Variants in TMEM151A observed in about 807,000 individuals in gnomAD.
The protein encoded by TMEM151A is transmembrane protein 151A.
In TMEM151A, 21 loss-of-function variants were observed where a neutral mutation model predicts 33.7. The ratio of observed to expected loss-of-function variants is 0.62; its 90% CI spans 0.44 to 0.90. The LOEUF (loss-of-function observed/expected upper bound fraction) is 0.90, where lower values mean the gene tolerates loss of function less well. TMEM151A is among the 40% of genes least tolerant of loss of function. The pLI, the probability that TMEM151A is intolerant of heterozygous loss-of-function variation, is 0.00. For missense variants in TMEM151A, 704 were observed against 697.7 expected, an observed-to-expected ratio of 1.01 and a Z score of -0.10; for synonymous variants, 374 against 330.3, an observed-to-expected ratio of 1.13 and a Z score of -1.43.
chr11:66,292,101 G>C lies in TMEM151A; in HGVS notation c.75+13G>C, dbSNP rs1262481404. 1.9e-5 allele frequency: 28 copies of C among 1,446,588 alleles called. No homozygotes were observed. Among genetic ancestry groups the C allele is most frequent in the Non-Finnish European group, 2.2e-5 (24 of 1,109,244 alleles). The allele number at this position is 1,446,588 out of a possible 1,614,324, so 89.6% of individuals were successfully genotyped here. On this transcript the variant is annotated intron_variant, in intron 1 of 1. Coordinates refer to ENST00000327259, the MANE Select transcript of TMEM151A (RefSeq NM_153266.4). The surrounding 1 kb of genome is among the most constrained non-coding windows in gnomAD (Gnocchi z 4.7). ...GCTGCGGGAAGAGGTACCGGCGCTGGGGGGGCCGGAGCCGGGCCTGGGGCG... is the reference window on the plus strand; with the variant it reads ...GCTGCGGGAAGAGGTACCGGCGCTGCGGGGGCCGGAGCCGGGCCTGGGGCG...
Position 66,295,136 on chromosome 11 carries a change from C to T in TMEM151A, c.890C>T (p.Ser297Leu), listed in dbSNP as rs1454226356. ...VFWLVSAATL[S>L]WPLRVVAAYG... ...TGGCTCGTGTCGGCGGCCACGCTGTCGTGGCCCCTGCGCGTCGTGGCCGCC... is the reference window on the plus strand; with the variant it reads ...TGGCTCGTGTCGGCGGCCACGCTGTTGTGGCCCCTGCGCGTCGTGGCCGCC... The change falls in exon 2 of 2, where the codon TCG becomes TTG. Residue 297 changes from serine (S) to leucine (L), a missense_variant. Physicochemically the swap from Ser to Leu is moderately radical, Grantham distance 145. Around this residue, in one of 3 missense-constraint regions of TMEM151A, gnomAD observed 398 missense variants for 356.0 expected, o/e 1.12. Transcript: ENST00000327259. The T allele has an allele frequency of 1.3e-6, 2 of 1,583,780 alleles. No homozygotes were observed. Among genetic ancestry groups the T allele is most frequent in the Non-Finnish European group, 1.7e-6 (2 of 1,171,332 alleles).
rs537359282 is a variant in TMEM151A at position 66,292,853 on chromosome 11, C to T, written c.75+765C>T. ...GAGTCCCTTTGTGGGCAGGTCTCTC[C>T]CTGTGGAGTCTGAGGAGCCTGGGGG... On this transcript the variant is annotated intron_variant, in intron 1 of 1. Coordinates refer to ENST00000327259, the MANE Select transcript of TMEM151A (RefSeq NM_153266.4). This position sits in a 1 kb window ranked among gnomAD's most constrained non-coding sequence, Gnocchi z 4.7. Among the ~76,000 whole-genome samples the T allele has an allele frequency of 2.0e-5, 3 of 146,398 alleles. No individual in the cohort carries two copies. In the East Asian group the frequency reaches 6.0e-4, roughly 29 times the overall value.
rs2134896321 is a variant in TMEM151A, at chr11:66,292,180, A to C, written c.75+92A>C. The stretch of plus-strand genomic sequence containing the variant: ...CCCCAAGAGAGGGGCTGAGGAGGGA[A>C]GTCCCAGAGCCCCTACGGCCAATGA... On this transcript the variant is annotated intron_variant, in intron 1 of 1. Coordinates refer to ENST00000327259, the MANE Select transcript of TMEM151A (RefSeq NM_153266.4). This position sits in a 1 kb window ranked among gnomAD's most constrained non-coding sequence, Gnocchi z 4.7. The C allele has an allele frequency of 8.9e-7, 1 of 1,126,760 alleles. No individual in the cohort carries two copies. The highest frequency in any genetic ancestry group is 3.3e-5 in the East Asian group (1 of 30,736). The allele number at this position is 1,126,760 out of a possible 1,614,324, so 69.8% of individuals were successfully genotyped here.
chr11:66,292,300 C>T lies in TMEM151A; in HGVS notation c.75+212C>T, dbSNP rs1030604125. ...GGACAGCAATATGCGGGGCGACTTC[C>T]GCCCCCGGCGTCCCCTCATCCAGCC... On this transcript the variant is annotated intron_variant, in intron 1 of 1. Coordinates refer to ENST00000327259, the MANE Select transcript of TMEM151A (RefSeq NM_153266.4). The surrounding 1 kb of genome is among the most constrained non-coding windows in gnomAD (Gnocchi z 4.7). 3.3e-5 allele frequency among the ~76,000 whole-genome samples: 5 copies of T among 152,126 alleles called. No homozygotes were observed. The highest frequency in any genetic ancestry group is 1.2e-4 in the African/African-American group (5 of 41,442).
chr11:66,294,743 C>G lies in TMEM151A; in HGVS notation c.497C>G (p.Thr166Arg), dbSNP rs1437410291. 1 of 1,552,210 alleles carries G rather than the reference C, an allele frequency of 6.4e-7. No individual in the cohort carries two copies. Among genetic ancestry groups the G allele is most frequent in the Non-Finnish European group, 8.7e-7 (1 of 1,149,376 alleles). ...YHYVRRTRQI[T>R]RYRNGDAYTT... ...TACGTGCGGCGCACACGCCAGATCA[C>G]GCGCTACCGCAACGGCGACGCCTAC... The change falls in exon 2 of 2, where the codon ACG (threonine) becomes AGG (arginine). Residue 166 changes from threonine (T) to arginine (R), a missense_variant. By Grantham distance (71) the Thr-to-Arg change is moderately conservative (BLOSUM62 -1). Transcript: ENST00000327259.
chr11:66,293,237 T>TA (rs1590900312), intron 1 of TMEM151A, among the ~76,000 whole-genome samples: 1 of 152,108 alleles, frequency 6.6e-6, no homozygotes, highest in East Asian at 1.9e-4. Flanking sequence ...GGACAGGCTG[T>TA]ATCTGGGCTG....
chr11:66,295,472 G>A lies in TMEM151A; in HGVS notation c.1226G>A (p.Gly409Asp). 5.0e-6 allele frequency: 7 copies of A among 1,405,544 alleles called. No individual in the cohort carries two copies. The highest frequency in any genetic ancestry group is 6.5e-6 in the Non-Finnish European group (7 of 1,082,760). The allele number at this position is 1,405,544 out of a possible 1,614,324, so 87.1% of individuals were successfully genotyped here. ...LPFSRSRLSL[G>D]AGGRATPGVF... ...TTCAGCCGCAGCCGCCTCTCGCTGGGCGCTGGCGGCCGGGCCACGCCAGGG... is the reference window on the plus strand; with the variant it reads ...TTCAGCCGCAGCCGCCTCTCGCTGGACGCTGGCGGCCGGGCCACGCCAGGG... Residue 409 changes from glycine (G) to aspartate (D), a missense_variant, in exon 2 of 2, where the codon GGC becomes GAC. Transcript: ENST00000327259.
chr11:66,292,110 G>C lies in TMEM151A; in HGVS notation c.75+22G>C. 7.0e-7 allele frequency: 1 copy of C among 1,424,098 alleles called. No individual in the cohort carries two copies. 88.2% of individuals were successfully genotyped at this position (1,424,098 alleles called of 1,614,324 possible). ...AGAGGTACCGGCGCTGGGGGGGCCG[G>C]AGCCGGGCCTGGGGCGGCGTGAGAG... On this transcript the variant is annotated intron_variant, in intron 1 of 1. Transcript: ENST00000327259. This position sits in a 1 kb window ranked among gnomAD's most constrained non-coding sequence, Gnocchi z 4.7.
At position 66,296,597 on chromosome 11, in the gene TMEM151A, C is replaced by G. The variant is rs1434599746; in HGVS notation, c.*944C>G. The G allele has an allele frequency of 2.0e-5, 3 of 152,576 alleles. No individual in the cohort carries two copies. The highest frequency in any genetic ancestry group is 7.2e-5 in the African/African-American group (3 of 41,406). 9.5% of individuals were successfully genotyped at this position (152,576 alleles called of 1,614,324 possible). Reference sequence around the variant, plus strand: ...TCCCTTTCAACGAGGGCTTCCACGCCCTCTAAGGGGTGGCGGGGAAGGGAG... The same window carrying G: ...TCCCTTTCAACGAGGGCTTCCACGCGCTCTAAGGGGTGGCGGGGAAGGGAG... On this transcript the variant is annotated 3_prime_UTR_variant, in exon 2 of 2. Coordinates refer to ENST00000327259, the MANE Select transcript of TMEM151A (RefSeq NM_153266.4).
In TMEM151A at chr11:66,295,568, C is replaced by A; in HGVS notation, c.1322C>A (p.Pro441His). 6.7e-7 allele frequency: 1 copy of A among 1,500,406 alleles called. No homozygotes were observed. 92.9% of individuals were successfully genotyped at this position (1,500,406 alleles called of 1,614,324 possible). A position where few individuals can be genotyped will look rare whatever the true frequency, so the allele number is the denominator to read the frequency against. The change falls in exon 2 of 2, where the codon CCC becomes CAC. Residue 441 changes from proline to histidine, a missense_variant. Coordinates refer to ENST00000327259, the MANE Select transcript of TMEM151A (RefSeq NM_153266.4). ...GEDTEPLESP[P>H]CYEDALYFPV... ...GACACGGAACCCCTGGAGAGCCCGCCCTGCTATGAGGACGCCCTCTACTTC... is the reference window on the plus strand; with the variant it reads ...GACACGGAACCCCTGGAGAGCCCGCACTGCTATGAGGACGCCCTCTACTTC...
chr11:66,295,651 T>A lies in TMEM151A; in HGVS notation c.1405T>A (p.Ter469ArgextTer41). Residue 469 changes from the stop codon to arginine (R), a stop_lost, in exon 2 of 2, where the codon TGA (stop) becomes AGA (arginine). Transcript: ENST00000327259. ...GCQGDGQGAL[*>R] is the part of the protein sequence containing the mutation. Reference sequence around the variant, plus strand: ...CCAGGGGGATGGGCAGGGTGCTCTCTGAGACCCCCCACGGCCCCCAGAGTG... The same window carrying A: ...CCAGGGGGATGGGCAGGGTGCTCTCAGAGACCCCCCACGGCCCCCAGAGTG... 1 of 1,505,664 alleles carries A rather than the reference T, an allele frequency of 6.6e-7. No homozygotes were observed. Among genetic ancestry groups the A allele is most frequent in the South Asian group, 1.3e-5 (1 of 78,598 alleles). 93.3% of individuals were successfully genotyped at this position (1,505,664 alleles called of 1,614,324 possible).
chr11:66,293,809 T>C (rs777205966), intron 1 of TMEM151A, among the ~76,000 whole-genome samples: 7 of 152,204 alleles, frequency 4.6e-5, no homozygotes, highest in Non-Finnish European at 8.8e-5. Context: ...ATGAGGGACC[T>C]GCCCAAGTCA....
rs943026005 is a variant in TMEM151A, at chr11:66,294,549, C to T, written c.303C>T (p.Ile101=). 1.2e-6 allele frequency: 2 copies of T among 1,612,824 alleles called. No homozygotes were observed. The highest frequency in any genetic ancestry group is 1.3e-5 in the African/African-American group (1 of 74,908). Residue 101 remains isoleucine (I), a synonymous_variant, in exon 2 of 2, where the codon ATC becomes ATT. Coordinates refer to ENST00000327259, the MANE Select transcript of TMEM151A (RefSeq NM_153266.4). ...ASPCSDGYLY[I]PLAFVSLLYL... ...CCTGCTCCGATGGCTACCTGTACAT[C>T]CCGCTGGCCTTCGTCTCCCTCCTCT...
rs750691699 is a variant in TMEM151A at position 66,294,993 on chromosome 11, G to T, written c.747G>T (p.Leu249=). 1 of 1,590,480 alleles carries T rather than the reference G, an allele frequency of 6.3e-7. No homozygotes were observed. Residue 249 remains leucine, a synonymous_variant, in exon 2 of 2, where the codon CTG becomes CTT. Coordinates refer to ENST00000327259, the MANE Select transcript of TMEM151A (RefSeq NM_153266.4). Reference sequence around the variant, plus strand: ...GCTTCTTCAGCGCCAACGAGGGCCTGGACGACTATCTGGAGGCGCGCGAGG... The same window carrying T: ...GCTTCTTCAGCGCCAACGAGGGCCTTGACGACTATCTGGAGGCGCGCGAGG... ...RARFFSANEG[L]DDYLEAREGM...
chr11:66,294,973 T>C lies in TMEM151A; in HGVS notation c.727T>C (p.Phe243Leu). The change falls in exon 2 of 2, where the codon TTC (phenylalanine) becomes CTC (leucine). Residue 243 changes from phenylalanine to leucine, a missense_variant. By Grantham distance (22) the Phe-to-Leu change is conservative. Transcript: ENST00000327259. The part of the protein sequence containing the change: ...ASYLTQRARF[F>L]SANEGLDDYL... Reference sequence around the variant, plus strand: ...GTACCTCACGCAGCGGGCGCGCTTCTTCAGCGCCAACGAGGGCCTGGACGA... The same window carrying C: ...GTACCTCACGCAGCGGGCGCGCTTCCTCAGCGCCAACGAGGGCCTGGACGA... The C allele has an allele frequency of 6.3e-7, 1 of 1,578,570 alleles. No homozygotes were observed. Among genetic ancestry groups the C allele is most frequent in the Non-Finnish European group, 8.6e-7 (1 of 1,169,390 alleles).
At chr11:66,294,090 A>G (rs956789659) in intron 1 of TMEM151A, among the ~76,000 whole-genome samples, 1 of 152,190 alleles carries the variant, frequency 6.6e-6, no homozygotes, top group African/African-American at 2.4e-5. Flanking sequence ...CTAGCACGGC[A>G]CAGTGGAGGA....
Position 66,292,048 on chromosome 11 carries a change from T to C in TMEM151A, c.35T>C (p.Val12Ala). ...PEDGAGDGGE[V>A]PALIPDGEPL... Reference sequence around the variant, plus strand: ...GACGGCGCTGGCGACGGCGGGGAGGTGCCCGCGCTCATCCCGGACGGCGAG... The same window carrying C: ...GACGGCGCTGGCGACGGCGGGGAGGCGCCCGCGCTCATCCCGGACGGCGAG... Residue 12 changes from valine to alanine, a missense_variant, in exon 1 of 2, where the codon GTG becomes GCG. Physicochemically the swap from Val to Ala is moderately conservative, Grantham distance 64. This residue lies in a region of TMEM151A where 301 missense variants were observed against 323.4 expected (regional missense o/e 0.93). Coordinates refer to ENST00000327259, the MANE Select transcript of TMEM151A (RefSeq NM_153266.4). The surrounding 1 kb of genome is among the most constrained non-coding windows in gnomAD (Gnocchi z 4.7). 1 of 1,488,498 alleles carries C rather than the reference T, an allele frequency of 6.7e-7. No homozygotes were observed. The highest frequency in any genetic ancestry group is 2.8e-5 in the East Asian group (1 of 35,456). The allele number at this position is 1,488,498 out of a possible 1,614,324, so 92.2% of individuals were successfully genotyped here. A position where few individuals can be genotyped will look rare whatever the true frequency, so the allele number is the denominator to read the frequency against.
At position 66,295,147 on chromosome 11, in the gene TMEM151A, C is replaced by A. The variant is rs868799910; in HGVS notation, c.901C>A (p.Arg301Ser). The change falls in exon 2 of 2, where the codon CGC becomes AGC. Residue 301 changes from arginine to serine, a missense_variant. This residue lies in a region of TMEM151A where 398 missense variants were observed against 356.0 expected (regional missense o/e 1.12). Transcript: ENST00000327259. ...VSAATLSWPL[R>S]VVAAYGTAHV... Reference sequence around the variant, plus strand: ...GGCGGCCACGCTGTCGTGGCCCCTGCGCGTCGTGGCCGCCTATGGCACGGC... The same window carrying A: ...GGCGGCCACGCTGTCGTGGCCCCTGAGCGTCGTGGCCGCCTATGGCACGGC... 1 of 1,581,978 alleles carries A rather than the reference C, an allele frequency of 6.3e-7. No individual in the cohort carries two copies. The highest frequency in any genetic ancestry group is 8.5e-7 in the Non-Finnish European group (1 of 1,170,050).
chr11:66,295,656 C>A lies in TMEM151A; in HGVS notation c.*3C>A, dbSNP rs779141685. The stretch of plus-strand genomic sequence containing the variant: ...GGGATGGGCAGGGTGCTCTCTGAGA[C>A]CCCCCACGGCCCCCAGAGTGGCCCC... On this transcript the variant is annotated 3_prime_UTR_variant, in exon 2 of 2. Transcript: ENST00000327259. The A allele has an allele frequency of 1.9e-6, 2 of 1,070,872 alleles. No homozygotes were observed. The highest frequency in any genetic ancestry group is 1.6e-5 in the South Asian group (1 of 62,912). The allele number at this position is 1,070,872 out of a possible 1,614,324, so 66.3% of individuals were successfully genotyped here. A position where few individuals can be genotyped will look rare whatever the true frequency, so the allele number is the denominator to read the frequency against.
Sources: gnomAD v4.1 joint callset for allele counts (sites outside exome capture counted in the v4.1 genomes callset) on GRCh38, gnomAD v4.1.1 for gene constraint, gnomAD v4.1.1 regional missense constraint, Gnocchi (gnomAD v3.1) non-coding constraint, MANE v1.5 for transcripts, NCBI Gene and HGNC (gene_info 2026-07-23, HGNC 2026-07-21) for gene names.